Variants in FBXO16 observed in about 807,000 individuals in gnomAD.
FBXO16 encodes the protein F-box protein 16, also known as F-box only protein 16.
In FBXO16, 31 loss-of-function variants were observed where a neutral mutation model predicts 41.0. That is an observed-to-expected ratio of 0.76 (90% CI 0.57 to 1.02). The LOEUF is 1.02. Ranked by LOEUF, FBXO16 falls within the 50% of genes least tolerant of loss-of-function variation. FBXO16 has a pLI of 0.00. For missense variants in FBXO16, 361 were observed against 346.2 expected, an observed-to-expected ratio of 1.04 and a Z score of -0.34; for synonymous variants, 133 against 117.8, an observed-to-expected ratio of 1.13 and a Z score of -0.84.
intron 7 of FBXO16, among the ~76,000 whole-genome samples, chr8:28,442,918 G>A (rs1802802083): frequency 1.3e-5 from 2 of 152,138 alleles, no homozygotes; most frequent in African/African-American, 2.4e-5. Context: ...TGGAGACAGC[G>A]CTCACATCTG....
chr8:28,474,316 CAAAAAAAAAAAAAAAAAAAA>C, intron 2 of FBXO16, among the ~76,000 whole-genome samples: 61 of 56,660 alleles, frequency 1.1e-3, no homozygotes, highest in African/African-American at 3.3e-3. Context: ...CAGACCCTGT[CAAAAAAAAAAAAAAAAAAAA>C]AAAAAAAAAA....
chr8:28,480,490 T>TTTTC (rs902265277), intron 2 of FBXO16, among the ~76,000 whole-genome samples: 8 of 151,864 alleles, frequency 5.3e-5, no homozygotes, highest in Admixed American at 2.6e-4. Context: ...TCTTTTTTCT[T>TTTTC]TTTCTTTCTT....
intron 6 of FBXO16, among the ~76,000 whole-genome samples, chr8:28,449,530 C>T (rs1259599131): frequency 6.6e-6 from 1 of 151,620 alleles, no homozygotes; most frequent in African/African-American, 2.4e-5. Context: ...GCTATGTTGC[C>T]CAGACTGGTC....
chr8:28,479,802 C>T (rs1189851728), intron 2 of FBXO16, among the ~76,000 whole-genome samples: 1 of 152,096 alleles, frequency 6.6e-6, no homozygotes, highest in African/African-American at 2.4e-5. Flanking sequence ...CTTACCCCAA[C>T]CTCCAACTCC....
At chr8:28,442,860 C>T (rs1360158095) in intron 7 of FBXO16, among the ~76,000 whole-genome samples, 1 of 152,140 alleles carries the variant, frequency 6.6e-6, no homozygotes, top group Non-Finnish European at 1.5e-5. Flanking sequence ...AAGCTCACCG[C>T]AACATGTGCA....
chr8:28,477,580 A>G (rs7011316), intron 2 of FBXO16, among the ~76,000 whole-genome samples: 63,518 of 151,786 alleles, frequency 0.42, 13,616 homozygotes, highest in East Asian at 0.64. Context: ...GTGTGTGTGT[A>G]TGTATAATAT....
chr8:28,476,428 T>G (rs535647383), intron 2 of FBXO16, among the ~76,000 whole-genome samples: 1 of 152,320 alleles, frequency 6.6e-6, no homozygotes, highest in South Asian at 2.1e-4. Context: ...GGGCAGATAA[T>G]TTTGTTGTCA....
At chr8:28,465,863 T>G (rs1410217742) in intron 3 of FBXO16, among the ~76,000 whole-genome samples, 1 of 152,122 alleles carries the variant, frequency 6.6e-6, no homozygotes, top group Non-Finnish European at 1.5e-5. Context: ...CTGGCACTTT[T>G]TAAAGTTCAG....
chr8:28,453,252 A>G lies in FBXO16; in HGVS notation c.508-776T>C, dbSNP rs988345341. On this transcript the variant is annotated intron_variant, in intron 5 of 8. Transcript: ENST00000380254. ...TTGAATACAGGACTGTCTTGCTTCA[A>G]GCCCACACATAAGACCTCCCTATCC... is the stretch of plus-strand genomic sequence containing the variant. Among the ~76,000 whole-genome samples, 5 of 149,360 alleles carry G rather than the reference A, an allele frequency of 3.3e-5. No individual in the cohort carries two copies. The East Asian group carries it at 9.6e-4, about 29-fold the overall frequency.
intron 7 of FBXO16, among the ~76,000 whole-genome samples, chr8:28,440,837 G>A (rs555752169): frequency 1.3e-5 from 2 of 152,274 alleles, no homozygotes; most frequent in East Asian, 1.9e-4. Context: ...AGAAAGTGAG[G>A]ACATCTAACT....
intron 2 of FBXO16, among the ~76,000 whole-genome samples, chr8:28,476,382 G>C (rs1022009184): frequency 3.3e-5 from 5 of 152,150 alleles, no homozygotes; most frequent in Admixed American, 6.5e-5. Context: ...CCTCAGATCT[G>C]GTTCTGACTC....
chr8:28,470,741 A>G (rs1284366204), intron 3 of FBXO16, among the ~76,000 whole-genome samples: 1 of 152,136 alleles, frequency 6.6e-6, no homozygotes, highest in East Asian at 1.9e-4. Context: ...CATTTTTTAT[A>G]ATATTCTTCA....
At chr8:28,449,410 T>C (rs911075831) in intron 6 of FBXO16, among the ~76,000 whole-genome samples, 2 of 147,464 alleles carry the variant, frequency 1.4e-5, no homozygotes, top group African/African-American at 5.0e-5. Context: ...CAGCCTCCAC[T>C]TCCTGGGCTC....
chr8:28,480,343 G>T (rs1260164531), intron 2 of FBXO16, among the ~76,000 whole-genome samples: 1 of 152,152 alleles, frequency 6.6e-6, no homozygotes, highest in Non-Finnish European at 1.5e-5. Flanking sequence ...TGACGGCTTT[G>T]CCAAGGGATG....
chr8:28,474,316 CAAAAAAAAAAAAAAAAAA>C lies in FBXO16; in HGVS notation c.100-527_100-510del. ...CCTGGGTAACAGAGCCAGACCCTGT[CAAAAAAAAAAAAAAAAAA>C]AAAAAAAAAAAAAAAAAAAGAGAGA... On this transcript the variant is annotated intron_variant, in intron 2 of 8. Transcript: ENST00000380254. Among the ~76,000 whole-genome samples the C allele has an allele frequency of 1.2e-3, 69 of 56,654 alleles. 1 individual carries two copies. Among genetic ancestry groups the C allele is most frequent in the East Asian group, 3.3e-3 (8 of 2,438 alleles). 37.2% of individuals were successfully genotyped at this position (56,654 alleles called of 152,430 possible). A position where few individuals can be genotyped will look rare whatever the true frequency, so the allele number is the denominator to read the frequency against.
chr8:28,480,381 GA>G (rs546342752), intron 2 of FBXO16, among the ~76,000 whole-genome samples: 25 of 152,206 alleles, frequency 1.6e-4, no homozygotes, highest in Non-Finnish European at 3.7e-4. Flanking sequence ...TAGAGGGGCA[GA>G]GGGGCAAATC....
intron 6 of FBXO16, among the ~76,000 whole-genome samples, chr8:28,450,298 T>C (rs1028694212): frequency 1.3e-5 from 2 of 152,160 alleles, no homozygotes; most frequent in Non-Finnish European, 2.9e-5. Context: ...CCCAACTTTA[T>C]ACCATATGCA....
intron 7 of FBXO16, among the ~76,000 whole-genome samples, chr8:28,436,996 C>T (rs553388709): frequency 5.9e-5 from 9 of 152,264 alleles, no homozygotes; most frequent in Middle Eastern, 3.4e-3. Context: ...TCAAGTGATC[C>T]CCCTGCCTCA....
chr8:28,458,611 G>A (rs1443050799), intron 4 of FBXO16, among the ~76,000 whole-genome samples: 1 of 139,898 alleles, frequency 7.1e-6, no homozygotes, highest in Non-Finnish European at 1.5e-5. Flanking sequence ...GGAGTGCAGT[G>A]GTGCGATCTT....
Sources: gnomAD v4.1 joint callset for allele counts (sites outside exome capture counted in the v4.1 genomes callset) on GRCh38, gnomAD v4.1.1 for gene constraint, MANE v1.5 for transcripts, NCBI Gene and HGNC (gene_info 2026-07-23, HGNC 2026-07-21) for gene names.